RREB1: variants seen among roughly 807,000 people sequenced by gnomAD.
RREB1 encodes ras-responsive element-binding protein 1.
RREB1 carries 27 observed loss-of-function variants against 117.8 expected under a neutral mutation model. The ratio of observed to expected loss-of-function variants is 0.23; its 90% CI spans 0.17 to 0.32. RREB1 has a LOEUF of 0.32. Among genes scored for constraint, RREB1 ranks in the 10% least tolerant of loss-of-function variants. The probability of loss-of-function intolerance (pLI) is 1.00; values close to 1 mark genes in which losing one functional copy is unlikely to be tolerated. For synonymous variants in RREB1, 1,298 were observed against 1,026.7 expected (o/e 1.26, Z -5.05); for missense variants, 2,577 against 2,378.2 (o/e 1.08, Z -1.74).
At chr6:7,162,671 A>G (rs927753388) in intron 1 of RREB1, among the ~76,000 whole-genome samples, 3 of 152,092 alleles carry the variant, frequency 2.0e-5, no homozygotes, top group Non-Finnish European at 4.4e-5. Context: ...TGTGTAGGGT[A>G]TACAAACAGT....
At chr6:7,170,362 C>G (rs1048304940) in intron 1 of RREB1, among the ~76,000 whole-genome samples, 1 of 152,020 alleles carries the variant, frequency 6.6e-6, no homozygotes, top group African/African-American at 2.4e-5. Context: ...AACTGTTCTC[C>G]CCGTCACCTG....
intron 6 of RREB1, among the ~76,000 whole-genome samples, chr6:7,207,951 T>G (rs1208438885): frequency 1.3e-5 from 2 of 152,096 alleles, no homozygotes; most frequent in Non-Finnish European, 2.9e-5. Flanking sequence ...GAGAAGTCCT[T>G]GTTGGTGGAA....
chr6:7,210,309 G>A (rs946069230), intron 6 of RREB1, among the ~76,000 whole-genome samples: 1 of 152,194 alleles, frequency 6.6e-6, no homozygotes, highest in Admixed American at 6.5e-5. Context: ...TGCTCTGTTA[G>A]CATGTCTCAA....
At chr6:7,150,186 C>T (rs982572457) in intron 1 of RREB1, among the ~76,000 whole-genome samples, 4 of 152,022 alleles carry the variant, frequency 2.6e-5, no homozygotes, top group Admixed American at 6.6e-5. Context: ...TTGCTAATAC[C>T]TGCTACTGGT....
intron 1 of RREB1, among the ~76,000 whole-genome samples, chr6:7,164,386 T>C (rs1230793674): frequency 6.6e-6 from 1 of 152,196 alleles, no homozygotes; most frequent in Non-Finnish European, 1.5e-5. Context: ...TTTCCTTAAT[T>C]GATTTTAGGA....
intron 2 of RREB1, among the ~76,000 whole-genome samples, chr6:7,179,422 T>C (rs1764674271): frequency 6.6e-6 from 1 of 152,162 alleles, no homozygotes; most frequent in African/African-American, 2.4e-5. Flanking sequence ...AATGTAGTAA[T>C]AGGACAAAAG....
intron 1 of RREB1, among the ~76,000 whole-genome samples, chr6:7,167,008 T>C (rs1051886180): frequency 3.3e-5 from 5 of 152,196 alleles, no homozygotes; most frequent in African/African-American, 1.2e-4. Flanking sequence ...ACTTCAGAGA[T>C]GTGTCCCAGA....
At position 7,246,911 on chromosome 6, in the gene RREB1, G is replaced by A; in HGVS notation, c.4461G>A (p.Glu1487=). ...AGGGAGATGGCGCCAGCACTGCAGA[G>A]GAGGGGCCCCAGCCCGCCCCTGAAC... is the stretch of plus-strand genomic sequence containing the variant. ...DEKGDGASTA[E]EGPQPAPEQE... The change falls in exon 12 of 13, where the codon GAG becomes GAA. Residue 1487 remains glutamate (E), a synonymous_variant. Coordinates refer to ENST00000379938, the MANE Select transcript of RREB1 (RefSeq NM_001003699.4). The A allele has an allele frequency of 6.4e-7, 1 of 1,554,980 alleles. No homozygotes were observed. Among genetic ancestry groups the A allele is most frequent in the Non-Finnish European group, 8.7e-7 (1 of 1,150,036 alleles).
intron 1 of RREB1, among the ~76,000 whole-genome samples, chr6:7,151,835 A>G (rs1411023437): frequency 6.6e-6 from 1 of 152,240 alleles, no homozygotes; most frequent in Non-Finnish European, 1.5e-5. Flanking sequence ...CTTTTTGGAC[A>G]TTTTGGCTGT....
intron 1 of RREB1, among the ~76,000 whole-genome samples, chr6:7,114,478 G>T (rs552939065): frequency 1.1e-4 from 17 of 151,714 alleles, no homozygotes; most frequent in African/African-American, 3.4e-4. Context: ...TGGGGGGGGG[G>T]GCGGCAGCGG....
rs1463514356 is a variant in RREB1, at chr6:7,120,949, G to A, written c.-285+12889G>A. On this transcript the variant is annotated intron_variant, in intron 1 of 12. Transcript: ENST00000379938. ...ATTCTCCCTCCTGCCTCAGCCTCTC[G>A]AGTAGCTGGGATTACAGGTGCCTGC... is the stretch of plus-strand genomic sequence containing the variant. 3.3e-5 allele frequency among the ~76,000 whole-genome samples: 5 copies of A among 150,744 alleles called. No homozygotes were observed. The East Asian group carries it at 5.9e-4, about 18-fold the overall frequency.
chr6:7,240,634 A>T (rs180895325), intron 11 of RREB1, 32 bp downstream of exon 11: 6 of 1,587,242 alleles, frequency 3.8e-6, no homozygotes. Context: ...GAACCCAGGA[A>T]GAGGGAGAGA....
Position 7,155,792 on chromosome 6 carries a change from T to A in RREB1, c.-284-20863T>A, listed in dbSNP as rs148362777. On this transcript the variant is annotated intron_variant, in intron 1 of 12. Transcript: ENST00000379938. ...AGAACTTGCATCCTTTTAAATTTTTTAATTATTAACTGCATTTTCTTTCTT... is the reference window on the plus strand; with the variant it reads ...AGAACTTGCATCCTTTTAAATTTTTAAATTATTAACTGCATTTTCTTTCTT... 1.7e-4 allele frequency among the ~76,000 whole-genome samples: 26 copies of A among 152,366 alleles called. No individual in the cohort carries two copies. The East Asian group carries it at 3.9e-3, about 23-fold the overall frequency.
chr6:7,167,403 G>C (rs113101056), intron 1 of RREB1, among the ~76,000 whole-genome samples: 4,119 of 149,414 alleles, frequency 0.028, 186 homozygotes, highest in African/African-American at 0.096. Flanking sequence ...GCCCGGGCTG[G>C]AGTGCAATGG....
Position 7,231,127 on chromosome 6 carries a change from G to A in RREB1, c.3028G>A (p.Gly1010Ser). The A allele has an allele frequency of 1.9e-6, 3 of 1,612,778 alleles. No individual in the cohort carries two copies. Among genetic ancestry groups the A allele is most frequent in the Non-Finnish European group, 2.5e-6 (3 of 1,179,914 alleles). The part of the protein sequence containing the change: ...TPEPPAQPLQ[G>S]PVQLAVPIYS... ...GGAACCCCCAGCACAGCCCCTGCAG[G>A]GCCCTGTTCAGCTGGCGGTCCCAAT... Residue 1010 changes from glycine to serine, a missense_variant, in exon 10 of 13, where the codon GGC (glycine) becomes AGC (serine). Coordinates refer to ENST00000379938, the MANE Select transcript of RREB1 (RefSeq NM_001003699.4).
At chr6:7,130,767 C>T (rs1472185405) in intron 1 of RREB1, among the ~76,000 whole-genome samples, 1 of 151,750 alleles carries the variant, frequency 6.6e-6, no homozygotes, top group Non-Finnish European at 1.5e-5. Flanking sequence ...TAAGCACCTG[C>T]CACCACACCC....
intron 1 of RREB1, among the ~76,000 whole-genome samples, chr6:7,169,398 A>T (rs1481533674): frequency 6.6e-6 from 1 of 152,194 alleles, no homozygotes; most frequent in Non-Finnish European, 1.5e-5. Context: ...CAGAGTAGAG[A>T]CGATACATGT....
chr6:7,130,559 G>A (rs937676222), intron 1 of RREB1, among the ~76,000 whole-genome samples: 1 of 152,090 alleles, frequency 6.6e-6, no homozygotes, highest in African/African-American at 2.4e-5. Context: ...TTTAGTCATG[G>A]GGTTCACTAG....
intron 1 of RREB1, among the ~76,000 whole-genome samples, chr6:7,163,202 A>G (rs1763753097): frequency 6.6e-6 from 1 of 152,158 alleles, no homozygotes; most frequent in Non-Finnish European, 1.5e-5. Flanking sequence ...TCACATATTT[A>G]CCGTGGCCAG....
Sources: gnomAD v4.1 joint callset for allele counts (sites outside exome capture counted in the v4.1 genomes callset) on GRCh38, gnomAD v4.1.1 for gene constraint, MANE v1.5 for transcripts, NCBI Gene and HGNC (gene_info 2026-07-23, HGNC 2026-07-21) for gene names.